Variants in FLACC1 observed in about 807,000 individuals in gnomAD.
The protein encoded by FLACC1 is flagellum-associated coiled-coil domain-containing protein 1.
In FLACC1, 66 loss-of-function variants were observed where a neutral mutation model predicts 62.8. The ratio of observed to expected loss-of-function variants is 1.05; its 90% CI spans 0.86 to 1.29. The LOEUF (loss-of-function observed/expected upper bound fraction) is 1.29, where lower values mean the gene tolerates loss of function less well. FLACC1 is among the 50% of genes most tolerant of loss of function. The pLI, the probability that FLACC1 is intolerant of heterozygous loss-of-function variation, is 0.00. For missense variants in FLACC1, 452 were observed against 489.1 expected (o/e 0.92, Z 0.71); for synonymous variants, 156 against 161.0 (o/e 0.97, Z 0.24).
At chr2:201,327,465 G>GA (rs139728642) in intron 9 of FLACC1, among the ~76,000 whole-genome samples, 15,520 of 151,676 alleles carry the variant, frequency 0.1, 1,268 homozygotes, top group South Asian at 0.25. Flanking sequence ...AAATCAGCAA[G>GA]AAAAAAACAA....
intron 9 of FLACC1, among the ~76,000 whole-genome samples, chr2:201,325,203 G>A (rs926350372): frequency 1.3e-5 from 2 of 152,020 alleles, no homozygotes; most frequent in East Asian, 1.9e-4. Context: ...AGTGCTAAAC[G>A]CCTGCATCAA....
intron 11 of FLACC1, among the ~76,000 whole-genome samples, chr2:201,300,335 C>T (rs1421673125): frequency 6.6e-6 from 1 of 152,182 alleles, no homozygotes; most frequent in Non-Finnish European, 1.5e-5. Context: ...GCTAGCACAG[C>T]AGTCTGAGAT....
intron 8 of FLACC1, 85 bp downstream of exon 8, chr2:201,330,651 G>T: frequency 6.5e-7 from 1 of 1,538,212 alleles, no homozygotes; most frequent in Non-Finnish European, 8.9e-7. Flanking sequence ...ACCTTTGTGT[G>T]CCTTGGAAAT....
At position 201,346,997 on chromosome 2, in the gene FLACC1, G is replaced by A. The variant is rs1351631655; in HGVS notation, c.235-322C>T. The stretch of plus-strand genomic sequence containing the variant: ...GGCATGCGGCAACTGCTCGGGTTTT[G>A]GAATCACAGAGGCCTGAGTAAATCT... On this transcript the variant is annotated intron_variant, in intron 4 of 14. Transcript: ENST00000392257. The surrounding 1 kb of genome is among the most constrained non-coding windows in gnomAD (Gnocchi z 4.0). Among the ~76,000 whole-genome samples the A allele has an allele frequency of 6.6e-6, 1 of 152,214 alleles. No individual in the cohort carries two copies. Among genetic ancestry groups the A allele is most frequent in the Non-Finnish European group, 1.5e-5 (1 of 68,044 alleles).
Position 201,344,162 on chromosome 2 carries a change from T to G in FLACC1, c.462+8A>C, listed in dbSNP as rs764479714. The G allele has an allele frequency of 6.3e-7, 1 of 1,598,802 alleles. No homozygotes were observed. Among genetic ancestry groups the G allele is most frequent in the Non-Finnish European group, 8.6e-7 (1 of 1,167,572 alleles). ...CATGAAGATGTTAGCTAATGTAAGG[T>G]CACTCACCAATTTCTGGGCAGACTG... On this transcript the variant is annotated splice_region_variant and intron_variant, in intron 6 of 14. Coordinates refer to ENST00000392257, the MANE Select transcript of FLACC1 (RefSeq NM_001127391.3).
chr2:201,348,282 C>T lies in FLACC1; in HGVS notation c.206G>A (p.Arg69Lys). 1.2e-6 allele frequency: 2 copies of T among 1,612,712 alleles called. No homozygotes were observed. The highest frequency in any genetic ancestry group is 1.7e-6 in the Non-Finnish European group (2 of 1,179,762). ...AAATGATTTATTAGTCTCTTCTTGC[C>T]TTGCTGAATGGATTTTCATTCTGCA... Reference protein sequence around the residue: ...VSPKMKIHSARQEETNKSFYE... With the variant: ...VSPKMKIHSAKQEETNKSFYE... The change falls in exon 4 of 15, where the codon AGG becomes AAG. Residue 69 changes from arginine to lysine, a missense_variant. Arg to Lys is a conservative substitution (Grantham distance 26, BLOSUM62 2). Around this residue, in one of 3 missense-constraint regions of FLACC1, gnomAD observed 147 missense variants for 152.7 expected, o/e 0.96. Transcript: ENST00000392257.
At chr2:201,328,178 A>T (rs1950530663) in intron 9 of FLACC1, among the ~76,000 whole-genome samples, 1 of 146,328 alleles carries the variant, frequency 6.8e-6, no homozygotes, top group Non-Finnish European at 1.5e-5. Flanking sequence ...GGCTTGTGAT[A>T]AAAAAAAAAC....
At chr2:201,325,520 A>T (rs1285869680) in intron 9 of FLACC1, among the ~76,000 whole-genome samples, 1 of 152,202 alleles carries the variant, frequency 6.6e-6, no homozygotes, top group Non-Finnish European at 1.5e-5. Flanking sequence ...ACAAAAGATC[A>T]CTTGAGGCTA....
chr2:201,323,779 T>G (rs1950447670), intron 9 of FLACC1, among the ~76,000 whole-genome samples: 1 of 15,312 alleles, frequency 6.5e-5, no homozygotes, highest in East Asian at 3.5e-3. Flanking sequence ...AGAGCCAGAC[T>G]CTATCAAAAA....
rs1000523009 is a variant in FLACC1, at chr2:201,330,459, G to T, written c.675+11C>A. On this transcript the variant is annotated intron_variant, in intron 9 of 14. Coordinates refer to ENST00000392257, the MANE Select transcript of FLACC1 (RefSeq NM_001127391.3). ...TTCTCTTGTAATCCAACAGGGAGCT[G>T]TGTATCTCACCTGATACGTACGAAA... 15 of 1,610,964 alleles carry T rather than the reference G, an allele frequency of 9.3e-6. No individual in the cohort carries two copies. The highest frequency in any genetic ancestry group is 1.7e-5 in the Admixed American group (1 of 59,800).
chr2:201,328,668 T>C (rs972197347), intron 9 of FLACC1, among the ~76,000 whole-genome samples: 1 of 152,188 alleles, frequency 6.6e-6, no homozygotes, highest in Non-Finnish European at 1.5e-5. Flanking sequence ...TCAGGTGATC[T>C]GCCTGCCTCG....
chr2:201,337,688 T>A (rs1057331950), intron 7 of FLACC1, among the ~76,000 whole-genome samples: 1 of 152,120 alleles, frequency 6.6e-6, no homozygotes, highest in Admixed American at 6.5e-5. Context: ...AATACCTGGC[T>A]AATTTTTAAT....
At chr2:201,350,525 A>G (rs959528472) in intron 3 of FLACC1, among the ~76,000 whole-genome samples, 186 bp downstream of exon 3, 3 of 152,052 alleles carry the variant, frequency 2.0e-5, no homozygotes, top group Non-Finnish European at 4.4e-5. Flanking sequence ...CTAAAATACA[A>G]AAAAGTAGCC....
intron 9 of FLACC1, among the ~76,000 whole-genome samples, chr2:201,320,862 A>G (rs1415133165): frequency 6.6e-6 from 1 of 152,214 alleles, no homozygotes; most frequent in Admixed American, 6.5e-5. Flanking sequence ...CAAAAGTCCT[A>G]TTGCTACTAT....
intron 7 of FLACC1, among the ~76,000 whole-genome samples, chr2:201,333,510 C>T (rs1354493796): frequency 6.6e-6 from 1 of 151,214 alleles, no homozygotes; most frequent in Non-Finnish European, 1.5e-5. Context: ...CCCAGTAACT[C>T]GTCATTTAGC....
At chr2:201,309,515 C>T (rs773333711) in intron 9 of FLACC1, among the ~76,000 whole-genome samples, 12 of 152,098 alleles carry the variant, frequency 7.9e-5, no homozygotes, top group Non-Finnish European at 1.3e-4. Flanking sequence ...CAGTGTTTGC[C>T]CCACTAGAAC....
upstream of FLACC1, among the ~76,000 whole-genome samples, chr2:201,358,170 A>G (rs955042294): frequency 2.0e-4 from 31 of 152,196 alleles, no homozygotes; most frequent in African/African-American, 7.0e-4. Flanking sequence ...CTTATACTCA[A>G]TACAACTTAG....
At chr2:201,290,385 G>T (rs1949703751) in intron 12 of FLACC1, among the ~76,000 whole-genome samples, 1 of 151,278 alleles carries the variant, frequency 6.6e-6, no homozygotes, top group Non-Finnish European at 1.5e-5. Flanking sequence ...GTGGGGTAGG[G>T]TGGGGTGGGG....
chr2:201,346,408 G>A lies in FLACC1; in HGVS notation c.368+134C>T. 1.6e-6 allele frequency: 2 copies of A among 1,267,126 alleles called. No individual in the cohort carries two copies. The highest frequency in any genetic ancestry group is 2.2e-5 in the Admixed American group (1 of 45,134). The allele number at this position is 1,267,126 out of a possible 1,614,324, so 78.5% of individuals were successfully genotyped here. A position where few individuals can be genotyped will look rare whatever the true frequency, so the allele number is the denominator to read the frequency against. ...TCAGGAAGCAGGGGCGAGGAGGGAG[G>A]TGCCCTTGCGGCCCCTCCAGAGCAG... On this transcript the variant is annotated intron_variant, in intron 5 of 14. Transcript: ENST00000392257. This position sits in a 1 kb window ranked among gnomAD's most constrained non-coding sequence, Gnocchi z 4.0.
Sources: gnomAD v4.1 joint callset for allele counts (sites outside exome capture counted in the v4.1 genomes callset) on GRCh38, gnomAD v4.1.1 for gene constraint, gnomAD v4.1.1 regional missense constraint, Gnocchi (gnomAD v3.1) non-coding constraint, MANE v1.5 for transcripts, NCBI Gene and HGNC (gene_info 2026-07-23, HGNC 2026-07-21) for gene names.